The following ITSN2 variants were observed in gnomAD, a reference collection of about 807,000 sequenced individuals.
ITSN2 encodes the protein intersectin 2.
A neutral mutation model predicts 243.7 loss-of-function variants in ITSN2; 156 were observed. That is an observed-to-expected ratio of 0.64 (90% CI 0.56 to 0.73). The LOEUF (loss-of-function observed/expected upper bound fraction) is 0.73, where lower values mean the gene tolerates loss of function less well. Ranked by LOEUF, ITSN2 falls within the 30% of genes least tolerant of loss-of-function variation. The probability of loss-of-function intolerance (pLI) is 0.00; values close to 1 mark genes in which losing one functional copy is unlikely to be tolerated. For missense variants in ITSN2, 1,801 were observed against 1,996.1 expected (o/e 0.90, Z 1.86); for synonymous variants, 703 against 699.9 (o/e 1.00, Z -0.07).
intron 24 of ITSN2, among the ~76,000 whole-genome samples, chr2:24,253,991 T>A (rs530295304): frequency 1.3e-5 from 2 of 152,338 alleles, no homozygotes; most frequent in South Asian, 4.1e-4. Context: ...TTGGTCCTCC[T>A]TAATGATTCA....
intron 17 of ITSN2, among the ~76,000 whole-genome samples, chr2:24,278,097 G>A (rs1678250664): frequency 6.6e-6 from 1 of 152,194 alleles, no homozygotes. Context: ...TCAAAAATGA[G>A]GAGAGTACTC....
intron 15 of ITSN2, among the ~76,000 whole-genome samples, chr2:24,290,890 G>C (rs906145305): frequency 3.3e-5 from 5 of 150,846 alleles, no homozygotes; most frequent in Non-Finnish European, 7.4e-5. Context: ...TTCGATATCT[G>C]ATAGGGTTAG....
In ITSN2 at chr2:24,310,643, A is replaced by T; in HGVS notation, c.402T>A (p.Ala134=). The change falls in exon 6 of 40, where the codon GCT becomes GCA. Residue 134 remains alanine, a synonymous_variant. Coordinates refer to ENST00000355123, the MANE Select transcript of ITSN2 (RefSeq NM_006277.3). ...CAGAAGACAATGATGTTATAGGTGC[A>T]GCTGGAGGCAATGGCTGAGGAATGG... is the stretch of plus-strand genomic sequence containing the variant. ...NLSIPQPLPP[A]APITSLSSAT... is the part of the protein sequence containing the mutation. The T allele has an allele frequency of 6.2e-7, 1 of 1,614,190 alleles. No homozygotes were observed. Among genetic ancestry groups the T allele is most frequent in the Non-Finnish European group, 8.5e-7 (1 of 1,180,028 alleles).
At chr2:24,209,314 C>G (rs2151093205) in intron 35 of ITSN2, 93 bp from the exon 36 acceptor site, 2 of 1,491,208 alleles carry the variant, frequency 1.3e-6, no homozygotes, top group East Asian at 4.6e-5. Flanking sequence ...TTCTGAAGAG[C>G]CTTGTTGAGA....
rs771961688 is a variant in ITSN2 at position 24,249,233 on chromosome 2, A to G, written c.3121-351T>C. ...AGCACCAATGCCCACTATGCACAAC[A>G]TATGTGTCCTGGATATGTCAAGGTA... On this transcript the variant is annotated intron_variant, in intron 25 of 39. Coordinates refer to ENST00000355123, the MANE Select transcript of ITSN2 (RefSeq NM_006277.3). The surrounding 1 kb of genome is among the most constrained non-coding windows in gnomAD (Gnocchi z 4.4). Among the ~76,000 whole-genome samples, 6 of 152,184 alleles carry G rather than the reference A, an allele frequency of 3.9e-5. No homozygotes were observed. The highest frequency in any genetic ancestry group is 8.8e-5 in the Non-Finnish European group (6 of 68,036).
At chr2:24,216,721 C>A (rs1349092528) in intron 31 of ITSN2, among the ~76,000 whole-genome samples, 3 of 152,018 alleles carry the variant, frequency 2.0e-5, no homozygotes, top group Non-Finnish European at 2.9e-5. Flanking sequence ...CACACCACTG[C>A]ACTGCAGCTT....
intron 23 of ITSN2, among the ~76,000 whole-genome samples, chr2:24,255,239 T>C (rs1309408610): frequency 6.6e-6 from 1 of 152,246 alleles, no homozygotes; most frequent in Non-Finnish European, 1.5e-5. Context: ...AATAAGACAA[T>C]TTCTATAAAG....
intron 38 of ITSN2, 35 bp downstream of exon 38, chr2:24,205,179 G>A (rs1668738599): frequency 6.4e-7 from 1 of 1,571,716 alleles, no homozygotes; most frequent in African/African-American, 1.4e-5. Context: ...GGGCAGGGCA[G>A]TTATGTCTGC....
At chr2:24,208,769 C>T (rs1669182840) in intron 36 of ITSN2, among the ~76,000 whole-genome samples, 1 of 152,212 alleles carries the variant, frequency 6.6e-6, no homozygotes, top group South Asian at 2.1e-4. Flanking sequence ...AGGCCTGTGG[C>T]CCAAGGAGGC....
intron 8 of ITSN2, among the ~76,000 whole-genome samples, chr2:24,306,866 C>G (rs552890170): frequency 1.3e-5 from 2 of 151,544 alleles, no homozygotes; most frequent in Non-Finnish European, 2.9e-5. Context: ...AGTGCACTGG[C>G]GCAATCTCGG....
chr2:24,235,419 A>C (rs1672052129), intron 29 of ITSN2, among the ~76,000 whole-genome samples: 2 of 152,292 alleles, frequency 1.3e-5, no homozygotes, highest in South Asian at 2.1e-4. Context: ...GTATGTCATT[A>C]CCCATTTGTA....
intron 10 of ITSN2, 41 bp from the exon 11 acceptor site, chr2:24,301,280 G>A: frequency 8.6e-7 from 1 of 1,168,072 alleles, no homozygotes; most frequent in Non-Finnish European, 1.3e-6. Context: ...ATGTAGTCTG[G>A]ACATTTTCAG....
At position 24,216,060 on chromosome 2, in the gene ITSN2, CT is replaced by C. The variant is rs771500475; in HGVS notation, c.3978del (p.Glu1327AsnfsTer3). Reference sequence around the variant, plus strand: ...CAGAATGGAATTACCTTTAAAAATTCTTTGAAATCTGTGTCTTCATCTGTCT... The same window carrying C: ...CAGAATGGAATTACCTTTAAAAATTCTTGAAATCTGTGTCTTCATCTGTCT... Reference protein sequence around the residue: ...QQKTDEDTDFKEFLKKLASDP... With the variant: ...QQKTDEDTDFXEFLKKLASDP... On this transcript the variant is annotated frameshift_variant, in exon 32 of 40. Coordinates refer to ENST00000355123, the MANE Select transcript of ITSN2 (RefSeq NM_006277.3). LOFTEE classifies it high-confidence loss of function. 17 of 1,594,676 alleles carry C rather than the reference CT, an allele frequency of 1.1e-5. No homozygotes were observed. The highest frequency in any genetic ancestry group is 1.5e-5 in the Non-Finnish European group (17 of 1,170,008).
At chr2:24,309,672 C>T (rs995685735) in intron 7 of ITSN2, among the ~76,000 whole-genome samples, 1 of 152,074 alleles carries the variant, frequency 6.6e-6, no homozygotes, top group Non-Finnish European at 1.5e-5. Flanking sequence ...ATTTCTAATC[C>T]TCCCAACAAA....
intron 5 of ITSN2, among the ~76,000 whole-genome samples, chr2:24,311,267 GA>G (rs1359182208): frequency 6.6e-6 from 1 of 152,210 alleles, no homozygotes; most frequent in African/African-American, 2.4e-5. Context: ...GGAACAAAGT[GA>G]TGACTTTTAT....
intron 5 of ITSN2, among the ~76,000 whole-genome samples, chr2:24,311,371 G>A (rs1683243006): frequency 6.6e-6 from 1 of 152,052 alleles, no homozygotes; most frequent in Non-Finnish European, 1.5e-5. Flanking sequence ...ATAATTTTGT[G>A]GAGTCTGTTG....
intron 12 of ITSN2, 123 bp from the exon 13 acceptor site, chr2:24,298,937 T>C: frequency 1.4e-6 from 1 of 734,420 alleles, no homozygotes. Flanking sequence ...TGCCTAAGGG[T>C]AGCTAGGCAA....
chr2:24,306,866 C>A (rs552890170), intron 8 of ITSN2, among the ~76,000 whole-genome samples: 3 of 151,544 alleles, frequency 2.0e-5, no homozygotes, highest in African/African-American at 7.3e-5. Flanking sequence ...AGTGCACTGG[C>A]GCAATCTCGG....
chr2:24,246,942 A>C (rs1192224500), intron 27 of ITSN2, 49 bp from the exon 28 acceptor site: 1 of 1,201,792 alleles, frequency 8.3e-7, no homozygotes, highest in Admixed American at 1.9e-5. Context: ...GATTAAAAAC[A>C]ATCATTGAGA....
Sources: gnomAD v4.1 joint callset for allele counts (sites outside exome capture counted in the v4.1 genomes callset) on GRCh38, gnomAD v4.1.1 for gene constraint, Gnocchi (gnomAD v3.1) non-coding constraint, MANE v1.5 for transcripts, NCBI Gene and HGNC (gene_info 2026-07-23, HGNC 2026-07-21) for gene names.